FKBP6: variants seen among roughly 807,000 people sequenced by gnomAD.
FKBP6 encodes inactive peptidyl-prolyl cis-trans isomerase FKBP6.
In FKBP6, 29 loss-of-function variants were observed where a neutral mutation model predicts 41.7. The ratio of observed to expected loss-of-function variants is 0.70; its 90% CI spans 0.52 to 0.95. FKBP6 has a LOEUF of 0.95. FKBP6 is among the 40% of genes least tolerant of loss of function. The pLI is 0.00. For missense variants in FKBP6, 338 were observed against 408.7 expected (o/e 0.83, Z 1.49); for synonymous variants, 130 against 165.1 (o/e 0.79, Z 1.63).
chr7:73,330,504 T>C (rs2115828341), intron 4 of FKBP6, 152 bp downstream of exon 4: 1 of 689,512 alleles, frequency 1.5e-6, no homozygotes, highest in Non-Finnish European at 2.6e-6. Flanking sequence ...TTCCTCTGCT[T>C]CCTAGTCTGT....
chr7:73,351,080 T>C (rs1805476895), intron 8 of FKBP6, among the ~76,000 whole-genome samples: 1 of 152,340 alleles, frequency 6.6e-6, no homozygotes, highest in African/African-American at 2.4e-5. Flanking sequence ...GTAATTATTT[T>C]TTTTTCCTTA....
At chr7:73,329,582 A>C (rs182942327) in intron 3 of FKBP6, 133 bp downstream of exon 3, 1 of 744,280 alleles carries the variant, frequency 1.3e-6, no homozygotes, top group Non-Finnish European at 2.5e-6. Context: ...TTTTGGTAAC[A>C]CAGCCATGTT....
At chr7:73,339,609 ACT>A (rs1805110543) in intron 5 of FKBP6, among the ~76,000 whole-genome samples, 1 of 131,634 alleles carries the variant, frequency 7.6e-6, no homozygotes, top group Non-Finnish European at 1.6e-5. Context: ...TTTCCATGTG[ACT>A]CTTTTTTTTT....
chr7:73,332,997 C>T (rs116668173), intron 5 of FKBP6, among the ~76,000 whole-genome samples: 2,573 of 152,180 alleles, frequency 0.017, 64 homozygotes, highest in African/African-American at 0.058. Flanking sequence ...CATGGCTGGA[C>T]GCAGTGGCTC....
chr7:73,340,593 A>G (rs1419991855), intron 5 of FKBP6, 45 bp from the exon 6 acceptor site: 3 of 1,534,050 alleles, frequency 2.0e-6, no homozygotes, highest in Non-Finnish European at 2.7e-6. Flanking sequence ...GGTTTTGTAC[A>G]TAAGACTGTT....
At chr7:73,349,187 A>G (rs1181538724) in intron 8 of FKBP6, among the ~76,000 whole-genome samples, 1 of 151,882 alleles carries the variant, frequency 6.6e-6, no homozygotes, top group Non-Finnish European at 1.5e-5. Flanking sequence ...AGGCAGGTAG[A>G]TCACCTGAGG....
chr7:73,336,640 C>G, intron 5 of FKBP6: 1 of 414,414 alleles, frequency 2.4e-6, no homozygotes, highest in Non-Finnish European at 4.9e-6. Flanking sequence ...TAGGCAAATG[C>G]TACAAACAGG....
chr7:73,330,244 G>T lies in FKBP6; in HGVS notation c.360G>T (p.Thr120=). ...TCAAACCGAACTACGCCTATGGAAC[G>T]CTGGGCTGCCCTCCCTTGATCCCCC... ...FLFKPNYAYG[T]LGCPPLIPPN... The change falls in exon 4 of 9, where the codon ACG becomes ACT. Residue 120 remains threonine (T), a synonymous_variant. Coordinates refer to ENST00000252037, the MANE Select transcript of FKBP6 (RefSeq NM_003602.5). The T allele has an allele frequency of 6.2e-7, 1 of 1,613,860 alleles. No homozygotes were observed. Among genetic ancestry groups the T allele is most frequent in the South Asian group, 1.1e-5 (1 of 91,084 alleles).
chr7:73,335,632 C>G (rs1158018740), intron 5 of FKBP6, among the ~76,000 whole-genome samples: 1 of 152,162 alleles, frequency 6.6e-6, no homozygotes, highest in African/African-American at 2.4e-5. Context: ...GGGTGGGGAA[C>G]ATTTGACCTG....
intron 5 of FKBP6, among the ~76,000 whole-genome samples, chr7:73,333,869 C>CA (rs1554548116): frequency 6.6e-6 from 1 of 152,090 alleles, no homozygotes; most frequent in Non-Finnish European, 1.5e-5. Flanking sequence ...GTCAGGAGTT[C>CA]AAGACCAGCC....
rs1554549782 is a variant in FKBP6, at chr7:73,342,806, G to A, written c.894-1G>A. On this transcript the variant is annotated splice_acceptor_variant, in intron 7 of 8. Coordinates refer to ENST00000252037, the MANE Select transcript of FKBP6 (RefSeq NM_003602.5). LOFTEE classifies it high-confidence loss of function. ...TAACAAGTGTGTATTTCCCTCTCCA[G>A]CTGTTACAGGGACTATGTGGATAAA... 1 of 1,608,624 alleles carries A rather than the reference G, an allele frequency of 6.2e-7. No homozygotes were observed. Among genetic ancestry groups the A allele is most frequent in the Non-Finnish European group, 8.5e-7 (1 of 1,174,934 alleles).
rs543648128 is a variant in FKBP6 at position 73,330,475 on chromosome 7, C to A, written c.468+123C>A. 238 of 769,408 alleles carry A rather than the reference C, an allele frequency of 3.1e-4. No homozygotes were observed. The Admixed American group carries it at 4.6e-3, about 15-fold the overall frequency. 47.7% of individuals were successfully genotyped at this position (769,408 alleles called of 1,614,324 possible). A position where few individuals can be genotyped will look rare whatever the true frequency, so the allele number is the denominator to read the frequency against. On this transcript the variant is annotated intron_variant, in intron 4 of 8. Transcript: ENST00000252037. ...CCTCTCCAGGGTACCCCCGCGGCTC[C>A]TGTGCGGTGGCGGCGGAGTTCCTCT... is the stretch of plus-strand genomic sequence containing the variant.
At chr7:73,356,385 T>C (rs1433765532) in intron 8 of FKBP6, among the ~76,000 whole-genome samples, 1 of 152,128 alleles carries the variant, frequency 6.6e-6, no homozygotes, top group Admixed American at 6.5e-5. Flanking sequence ...GATGGGTGTG[T>C]CTTTGCCTGA....
At chr7:73,336,462 G>A (rs1554548566) in intron 5 of FKBP6, among the ~76,000 whole-genome samples, 1 of 152,178 alleles carries the variant, frequency 6.6e-6, no homozygotes, top group Non-Finnish European at 1.5e-5. Context: ...GAACCACTGA[G>A]GAAGAGTGTG....
At position 73,341,416 on chromosome 7, in the gene FKBP6, G is replaced by T. The variant is rs782410754; in HGVS notation, c.893+34G>T. On this transcript the variant is annotated intron_variant, in intron 7 of 8. Transcript: ENST00000252037. ...TGTTTGCAGGAGCATGAAGAGAGAT[G>T]GGTGGGGTTGTGACTCTGGTCTGTC... The T allele has an allele frequency of 4.7e-6, 6 of 1,286,790 alleles. No individual in the cohort carries two copies. In the South Asian group the frequency reaches 7.1e-5, roughly 15 times the overall value. The allele number at this position is 1,286,790 out of a possible 1,614,324, so 79.7% of individuals were successfully genotyped here. A position where few individuals can be genotyped will look rare whatever the true frequency, so the allele number is the denominator to read the frequency against.
intron 5 of FKBP6, among the ~76,000 whole-genome samples, chr7:73,332,680 G>A (rs1804885425): frequency 6.6e-6 from 1 of 152,134 alleles, no homozygotes; most frequent in Non-Finnish European, 1.5e-5. Context: ...TTCAGGTTGT[G>A]AAAAACATTT....
intron 8 of FKBP6, among the ~76,000 whole-genome samples, chr7:73,343,137 G>A (rs1320890477): frequency 1.3e-5 from 2 of 152,068 alleles, no homozygotes; most frequent in Non-Finnish European, 2.9e-5. Flanking sequence ...AGGGGGCCTT[G>A]AGCTATTTAT....
Position 73,338,845 on chromosome 7 carries a change from A to G in FKBP6, c.589-1793A>G, listed in dbSNP as rs115841646. 5.3e-3 allele frequency among the ~76,000 whole-genome samples: 805 copies of G among 152,292 alleles called. 5 individuals carry two copies. Among genetic ancestry groups the G allele is most frequent in the African/African-American group, 0.017 (699 of 41,546 alleles). ...CATCTGTCTTTGTACTGAGGAGTAA[A>G]TGTTGCTGCTGTGCTCTGGATACTA... On this transcript the variant is annotated intron_variant, in intron 5 of 8. Transcript: ENST00000252037.
intron 5 of FKBP6, among the ~76,000 whole-genome samples, chr7:73,335,014 A>G (rs1804959113): frequency 6.6e-6 from 1 of 152,004 alleles, no homozygotes; most frequent in Admixed American, 6.6e-5. Context: ...CTGTTAAGGA[A>G]GGTCCTTGTC....
Sources: gnomAD v4.1 joint callset for allele counts (sites outside exome capture counted in the v4.1 genomes callset) on GRCh38, gnomAD v4.1.1 for gene constraint, MANE v1.5 for transcripts, NCBI Gene and HGNC (gene_info 2026-07-23, HGNC 2026-07-21) for gene names.